The following VAV3 variants were observed in gnomAD, a reference collection of about 807,000 sequenced individuals.
VAV3 encodes the protein vav guanine nucleotide exchange factor 3, also known as guanine nucleotide exchange factor VAV3.
A neutral mutation model predicts 131.2 loss-of-function variants in VAV3; 94 were observed. That is an observed-to-expected ratio of 0.72 (90% CI 0.61 to 0.85). The LOEUF is 0.85. Ranked by LOEUF, VAV3 falls within the 40% of genes least tolerant of loss-of-function variation. The pLI, the probability that VAV3 is intolerant of heterozygous loss-of-function variation, is 0.00. For missense variants in VAV3, 939 were observed against 1,002.7 expected (o/e 0.94, Z 0.86); for synonymous variants, 349 against 342.0 (o/e 1.02, Z -0.22).
chr1:107,915,028 G>A (rs72983471), intron 1 of VAV3, among the ~76,000 whole-genome samples: 4,733 of 152,236 alleles, frequency 0.031, 181 homozygotes, highest in African/African-American at 0.087. Flanking sequence ...CTAAAGACAG[G>A]TATAAAGGTA....
chr1:107,625,780 C>T (rs796304032), intron 20 of VAV3, among the ~76,000 whole-genome samples: 5 of 152,108 alleles, frequency 3.3e-5, no homozygotes, highest in South Asian at 4.1e-4. Context: ...TATTTGGCCA[C>T]AACTCTTAAG....
intron 1 of VAV3, among the ~76,000 whole-genome samples, chr1:107,894,540 A>G (rs1671476608): frequency 6.6e-6 from 1 of 152,226 alleles, no homozygotes; most frequent in Admixed American, 6.5e-5. Context: ...AGTGTTTAGA[A>G]AAACAAAATG....
At chr1:107,930,972 A>T (rs1278696810) in intron 1 of VAV3, among the ~76,000 whole-genome samples, 2 of 152,228 alleles carry the variant, frequency 1.3e-5, no homozygotes, top group Non-Finnish European at 2.9e-5. Flanking sequence ...AAGCAAGACA[A>T]CAAATACAGA....
At chr1:107,757,135 G>GTA (rs1204254216) in intron 11 of VAV3, 126 bp downstream of exon 11, 10 of 588,810 alleles carry the variant, frequency 1.7e-5, no homozygotes, top group East Asian at 3.0e-5. Context: ...ATATGTTTGT[G>GTA]TATATATATG....
chr1:107,924,411 G>T (rs1429553015), intron 1 of VAV3, among the ~76,000 whole-genome samples: 1 of 148,864 alleles, frequency 6.7e-6, no homozygotes, highest in Admixed American at 6.7e-5. Context: ...AAAAAACCCT[G>T]TAAACACTCA....
chr1:107,597,998 A>T (rs1651527237), intron 24 of VAV3, among the ~76,000 whole-genome samples: 1 of 152,198 alleles, frequency 6.6e-6, no homozygotes, highest in Non-Finnish European at 1.5e-5. Context: ...TAGCGCCTTT[A>T]TCCAAAGTTT....
chr1:107,877,358 C>G (rs1670553584), intron 1 of VAV3, among the ~76,000 whole-genome samples: 1 of 152,104 alleles, frequency 6.6e-6, no homozygotes, highest in African/African-American at 2.4e-5. Context: ...TGACTCATAG[C>G]TCACCAAGGA....
chr1:107,630,258 C>A (rs1257842896), intron 20 of VAV3, among the ~76,000 whole-genome samples: 1 of 151,946 alleles, frequency 6.6e-6, no homozygotes, highest in Non-Finnish European at 1.5e-5. Flanking sequence ...CTGGTTCTCC[C>A]AACATGAAAC....
intron 2 of VAV3, among the ~76,000 whole-genome samples, chr1:107,871,469 T>C (rs908949969): frequency 1.3e-5 from 2 of 151,662 alleles, no homozygotes; most frequent in African/African-American, 2.4e-5. Context: ...TTAAATGAGT[T>C]CAAGTTACTA....
At chr1:107,853,943 T>A (rs574591641) in intron 2 of VAV3, among the ~76,000 whole-genome samples, 2 of 152,328 alleles carry the variant, frequency 1.3e-5, no homozygotes, top group South Asian at 4.1e-4. Context: ...GATTAGGTTG[T>A]CACAGTGTAG....
At chr1:107,819,243 T>C (rs953695891) in intron 2 of VAV3, among the ~76,000 whole-genome samples, 1 of 152,168 alleles carries the variant, frequency 6.6e-6, no homozygotes, top group African/African-American at 2.4e-5. Context: ...CTTGCTATCA[T>C]GCAGATTAAA....
intron 25 of VAV3, among the ~76,000 whole-genome samples, chr1:107,586,155 T>C (rs907918078): frequency 2.0e-4 from 29 of 144,770 alleles, no homozygotes; most frequent in Non-Finnish European, 3.7e-4. Context: ...TTTTTTTTTT[T>C]TTCCCAGAGC....
chr1:107,677,869 A>C (rs939376305), intron 19 of VAV3: 1 of 152,202 alleles, frequency 6.6e-6, no homozygotes, highest in Non-Finnish European at 1.5e-5. Flanking sequence ...CAGGCTTGGC[A>C]AGGCATGCAC....
Position 107,596,300 on chromosome 1 carries a change from C to T in VAV3, c.2262G>A (p.Gly754=), listed in dbSNP as rs1651378388. 2 of 1,613,546 alleles carry T rather than the reference C, an allele frequency of 1.2e-6. No individual in the cohort carries two copies. Among genetic ancestry groups the T allele is most frequent in the Non-Finnish European group, 1.7e-6 (2 of 1,179,564 alleles). Residue 754 remains glycine, a synonymous_variant, in exon 25 of 27, where the codon GGG becomes GGA. Transcript: ENST00000370056. ...GCAGAGTTGTATCTAAGGTTCTGAA[C>T]CCTTCCTTGAGAGAATGATGCTTGT... The part of the protein sequence containing the change: ...EYYKHHSLKE[G]FRTLDTTLQF...
intron 2 of VAV3, among the ~76,000 whole-genome samples, chr1:107,834,694 T>C (rs376159792): frequency 6.6e-6 from 1 of 150,792 alleles, no homozygotes; most frequent in South Asian, 2.1e-4. Flanking sequence ...CAACATACTT[T>C]GAACAGATCT....
intron 20 of VAV3, among the ~76,000 whole-genome samples, chr1:107,635,645 A>G (rs1654874267): frequency 6.6e-6 from 1 of 152,214 alleles, no homozygotes; most frequent in Non-Finnish European, 1.5e-5. Context: ...AAAAAATCAC[A>G]AAACTGAAAC....
intron 2 of VAV3, among the ~76,000 whole-genome samples, chr1:107,871,141 C>CA (rs1210737564): frequency 6.6e-6 from 1 of 151,998 alleles, no homozygotes; most frequent in Non-Finnish European, 1.5e-5. Context: ...GTCATGATGT[C>CA]AAAAAATAAT....
At chr1:107,782,718 G>A (rs1451323716) in intron 2 of VAV3, among the ~76,000 whole-genome samples, 2 of 152,162 alleles carry the variant, frequency 1.3e-5, no homozygotes. Context: ...GGTGTTTTTA[G>A]AACAATGTGT....
intron 20 of VAV3, among the ~76,000 whole-genome samples, chr1:107,636,056 T>C (rs1270172651): frequency 6.6e-6 from 1 of 152,216 alleles, no homozygotes; most frequent in East Asian, 1.9e-4. Flanking sequence ...ATAGTGAACA[T>C]TAGTTGTTGG....
Sources: allele counts gnomAD v4.1 joint callset (sites outside exome capture counted in the v4.1 genomes callset), GRCh38; gene constraint gnomAD v4.1.1; transcripts MANE v1.5; gene names NCBI Gene and HGNC (gene_info 2026-07-23, HGNC 2026-07-21).